Variants in PHC2 observed in about 807,000 individuals in gnomAD.
PHC2 encodes polyhomeotic homolog 2.
A neutral mutation model predicts 87.4 loss-of-function variants in PHC2; 29 were observed. The observed-to-expected ratio is 0.33, with a 90% CI of 0.25 to 0.45. The LOEUF is 0.45. Among genes scored for constraint, PHC2 ranks in the 20% least tolerant of loss-of-function variants. The pLI, the probability that PHC2 is intolerant of heterozygous loss-of-function variation, is 1.00. For synonymous variants in PHC2, 438 were observed against 461.7 expected (o/e 0.95, Z 0.66); for missense variants, 857 against 1,136.7 (o/e 0.75, Z 3.54).
At chr1:33,329,978 T>G (rs1260287413) in intron 13 of PHC2, 93 bp downstream of exon 13, 1 of 1,409,718 alleles carries the variant, frequency 7.1e-7, no homozygotes, top group Non-Finnish European at 9.8e-7. Flanking sequence ...TGCGCTGAAG[T>G]CGGCAGCTGG....
Position 33,347,850 on chromosome 1 carries a change from G to T in PHC2, c.1558+6551C>A, listed in dbSNP as rs1051395084. On this transcript the variant is annotated intron_variant, in intron 9 of 14. Transcript: ENST00000683057. Reference sequence around the variant, plus strand: ...CCTTCTGCGAAACAAGCCCGCCCTTGTGAGTGAGCCAAGCCAGAGGCCCCA... The same window carrying T: ...CCTTCTGCGAAACAAGCCCGCCCTTTTGAGTGAGCCAAGCCAGAGGCCCCA... 17 of 459,342 alleles carry T rather than the reference G, an allele frequency of 3.7e-5. 1 individual carries two copies. Among genetic ancestry groups the T allele is most frequent in the Non-Finnish European group, 4.6e-5 (16 of 349,330 alleles). The allele number at this position is 459,342 out of a possible 1,614,324, so 28.5% of individuals were successfully genotyped here.
chr1:33,397,726 A>C (rs948480734), intron 1 of PHC2, among the ~76,000 whole-genome samples: 1 of 151,858 alleles, frequency 6.6e-6, no homozygotes, highest in Admixed American at 6.6e-5. Flanking sequence ...TTGAAAGGAG[A>C]TATTCCTTTG....
chr1:33,400,506 T>A (rs1649480275), intron 1 of PHC2, among the ~76,000 whole-genome samples: 1 of 152,236 alleles, frequency 6.6e-6, no homozygotes. Flanking sequence ...TGACATGAAT[T>A]ATCTCATTTA....
At chr1:33,371,224 T>C in intron 3 of PHC2, 130 bp from the exon 4 acceptor site, 1 of 709,500 alleles carries the variant, frequency 1.4e-6, no homozygotes, top group Non-Finnish European at 2.5e-6. Flanking sequence ...GCCCCCAACC[T>C]GCCTCTATGT....
At chr1:33,378,488 C>T (rs1368000355) in intron 1 of PHC2, among the ~76,000 whole-genome samples, 1 of 152,152 alleles carries the variant, frequency 6.6e-6, no homozygotes, top group Non-Finnish European at 1.5e-5. Context: ...CTTTTCATTA[C>T]ACACTGGAAA....
At chr1:33,409,339 C>T (rs879398221) in intron 1 of PHC2, among the ~76,000 whole-genome samples, 5 of 152,102 alleles carry the variant, frequency 3.3e-5, no homozygotes, top group South Asian at 4.2e-4. Context: ...TTTAAGGACA[C>T]AAAAAGGTTC....
chr1:33,362,826 C>T (rs1484516618), intron 7 of PHC2, among the ~76,000 whole-genome samples: 1 of 152,222 alleles, frequency 6.6e-6, no homozygotes, highest in Non-Finnish European at 1.5e-5. Context: ...TCTTGTTCAT[C>T]TCTTTAACAC....
At position 33,327,401 on chromosome 1, in the gene PHC2, C is replaced by A. The variant is rs551120821; in HGVS notation, c.2425+1469G>T. On this transcript the variant is annotated intron_variant, in intron 14 of 14. Transcript: ENST00000683057. ...TGATGCTGTCATGGGACCAAACTGT[C>A]GGGGATTTGGTGGCGGTGAGGGTAT... 2.6e-5 allele frequency among the ~76,000 whole-genome samples: 4 copies of A among 152,110 alleles called. 1 individual carries two copies. Among genetic ancestry groups the A allele is most frequent in the African/African-American group, 9.6e-5 (4 of 41,496 alleles).
chr1:33,373,102 G>A (rs1207901854), intron 2 of PHC2, among the ~76,000 whole-genome samples: 2 of 145,172 alleles, frequency 1.4e-5, no homozygotes, highest in Non-Finnish European at 3.0e-5. Flanking sequence ...CACAGGGACA[G>A]CACACTCCCC....
At chr1:33,347,122 G>A (rs1646859430) in intron 9 of PHC2, 1 of 985,550 alleles carries the variant, frequency 1.0e-6, no homozygotes, top group South Asian at 4.7e-5. Context: ...GAAAAAGAGT[G>A]GATTCTGGGG....
intron 1 of PHC2, among the ~76,000 whole-genome samples, chr1:33,421,374 A>G (rs1461422293): frequency 1.3e-5 from 2 of 152,182 alleles, no homozygotes; most frequent in Non-Finnish European, 2.9e-5. Flanking sequence ...GTTGGGGGAA[A>G]TAAGAAAAAA....
chr1:33,423,452 C>T (rs959507343), intron 1 of PHC2, among the ~76,000 whole-genome samples: 8 of 152,114 alleles, frequency 5.3e-5, no homozygotes, highest in African/African-American at 9.7e-5. Context: ...ATCAAGGAGA[C>T]GGATGTGTCC....
At chr1:33,388,401 G>A (rs1005326205) in intron 1 of PHC2, among the ~76,000 whole-genome samples, 6 of 145,302 alleles carry the variant, frequency 4.1e-5, no homozygotes, top group African/African-American at 7.6e-5. Flanking sequence ...CTGGCTCACC[G>A]CAACCTCCGC....
intron 1 of PHC2, among the ~76,000 whole-genome samples, chr1:33,413,677 T>G (rs569154785): frequency 2.0e-4 from 31 of 152,350 alleles, no homozygotes; most frequent in Middle Eastern, 3.4e-3. Context: ...GGCTTGTCTT[T>G]GAGCAGCAGG....
chr1:33,375,479 T>C lies in PHC2; in HGVS notation c.61A>G (p.Ser21Gly). The C allele has an allele frequency of 6.2e-7, 1 of 1,611,918 alleles. No homozygotes were observed. The change falls in exon 2 of 15, where the codon AGC (serine) becomes GGC (glycine). Residue 21 changes from serine to glycine, a missense_variant. Transcript: ENST00000683057. ...CAGCCACTGCTGCTACTGGCCCCGC[T>C]GGTACTGCTGGTGGCACAGGCACTG... ...SSSACATSST[S>G]GASSSSGCNN...
At chr1:33,394,582 T>C (rs1044689692) in intron 1 of PHC2, among the ~76,000 whole-genome samples, 5 of 152,128 alleles carry the variant, frequency 3.3e-5, no homozygotes, top group Non-Finnish European at 5.9e-5. Context: ...ATTATTCTTT[T>C]GAGACAAGGT....
intron 1 of PHC2, among the ~76,000 whole-genome samples, chr1:33,387,464 C>A (rs533413426): frequency 6.6e-6 from 1 of 152,276 alleles, no homozygotes; most frequent in East Asian, 1.9e-4. Context: ...TCACAAGGGC[C>A]TTAATTAGGT....
At chr1:33,325,539 G>A (rs1203589495) in intron 14 of PHC2, 1 of 212,222 alleles carries the variant, frequency 4.7e-6, no homozygotes, top group African/African-American at 2.3e-5. Context: ...CAGCCTGTAT[G>A]GCGTCTTCCC....
chr1:33,324,978 C>T lies in PHC2; in HGVS notation c.2467G>A (p.Asp823Asn). 1 of 1,613,604 alleles carries T rather than the reference C, an allele frequency of 6.2e-7. No individual in the cohort carries two copies. Among genetic ancestry groups the T allele is most frequent in the Non-Finnish European group, 8.5e-7 (1 of 1,179,700 alleles). Reference sequence around the variant, plus strand: ...TTGAGCAGCAGCAGGGCTTGCCCGTCGATTTCCTGGGCACGGAATTCCTCT... The same window carrying T: ...TTGAGCAGCAGCAGGGCTTGCCCGTTGATTTCCTGGGCACGGAATTCCTCT... ...IAEEFRAQEI[D>N]GQALLLLKED... The change falls in exon 15 of 15, where the codon GAC (aspartate) becomes AAC (asparagine). Residue 823 changes from aspartate (D) to asparagine (N), a missense_variant. Coordinates refer to ENST00000683057, the MANE Select transcript of PHC2 (RefSeq NM_001385109.1).
Sources: allele counts gnomAD v4.1 joint callset (sites outside exome capture counted in the v4.1 genomes callset), GRCh38; gene constraint gnomAD v4.1.1; transcripts MANE v1.5; gene names NCBI Gene and HGNC (gene_info 2026-07-23, HGNC 2026-07-21).